Variants in CATSPERB observed in about 807,000 individuals in gnomAD.
The protein encoded by CATSPERB is cation channel sperm-associated auxiliary subunit beta.
CATSPERB carries 93 observed loss-of-function variants against 128.3 expected under a neutral mutation model. The observed-to-expected ratio is 0.72, with a 90% confidence interval of 0.61 to 0.86. The LOEUF (loss-of-function observed/expected upper bound fraction) is 0.86. Ranked by LOEUF, CATSPERB falls within the 40% of genes least tolerant of loss-of-function variation. The probability of loss-of-function intolerance (pLI) is 0.00; values close to 1 mark genes in which losing one functional copy is unlikely to be tolerated. For synonymous variants in CATSPERB, 381 were observed against 448.8 expected, an observed-to-expected ratio of 0.85 and a Z score of 1.91; for missense variants, 1,153 against 1,329.5, an observed-to-expected ratio of 0.87 and a Z score of 2.06.
At chr14:91,720,925 C>T (rs1003940954) in intron 4 of CATSPERB, among the ~76,000 whole-genome samples, 1 of 151,976 alleles carries the variant, frequency 6.6e-6, no homozygotes, top group Admixed American at 6.6e-5. Context: ...ATAAACTGTC[C>T]CATTTATGGT....
chr14:91,599,715 T>G (rs576762333), intron 22 of CATSPERB, among the ~76,000 whole-genome samples: 2 of 152,130 alleles, frequency 1.3e-5, no homozygotes, highest in Admixed American at 1.3e-4. Context: ...AGAAGTACAT[T>G]GGTTCAGTCT....
intron 15 of CATSPERB, among the ~76,000 whole-genome samples, chr14:91,652,670 CAAAAAAAAAAAAAAAAAAAAAAAA>C (rs58608847): frequency 1.4e-5 from 1 of 69,166 alleles, no homozygotes; most frequent in Non-Finnish European, 2.5e-5. Flanking sequence ...GACTCTGTCT[CAAAAAAAAAAAAAAAAAAAAAAAA>C]AAAAAAAAAA....
intron 15 of CATSPERB, among the ~76,000 whole-genome samples, chr14:91,646,864 C>T (rs189929382): frequency 6.6e-6 from 1 of 152,290 alleles, no homozygotes; most frequent in African/African-American, 2.4e-5. Flanking sequence ...CTTCTTTCCC[C>T]CCTAGATACT....
At chr14:91,584,220 T>A (rs1416271790) in intron 26 of CATSPERB, among the ~76,000 whole-genome samples, 2 of 152,030 alleles carry the variant, frequency 1.3e-5, no homozygotes, top group African/African-American at 4.8e-5. Context: ...AGGCATGCAC[T>A]ACCACACCTG....
At chr14:91,684,470 A>G (rs1427661747) in intron 10 of CATSPERB, among the ~76,000 whole-genome samples, 1 of 152,186 alleles carries the variant, frequency 6.6e-6, no homozygotes, top group Non-Finnish European at 1.5e-5. Flanking sequence ...GAAGATTCTG[A>G]CCTTCAAATT....
intron 17 of CATSPERB, among the ~76,000 whole-genome samples, chr14:91,625,413 G>A (rs1311741141): frequency 1.3e-5 from 2 of 152,074 alleles, no homozygotes; most frequent in African/African-American, 4.8e-5. Context: ...ACAGAGGGGT[G>A]GGGGAGAAAG....
At chr14:91,656,881 A>G (rs1894797850) in intron 15 of CATSPERB, among the ~76,000 whole-genome samples, 1 of 152,168 alleles carries the variant, frequency 6.6e-6, no homozygotes, top group Non-Finnish European at 1.5e-5. Flanking sequence ...CAGACAAAAT[A>G]GATTTCAAGA....
intron 5 of CATSPERB, among the ~76,000 whole-genome samples, chr14:91,711,824 C>G (rs1895845036): frequency 6.6e-6 from 1 of 152,076 alleles, no homozygotes; most frequent in Non-Finnish European, 1.5e-5. Flanking sequence ...ACTAAATAAG[C>G]CATAAAACAC....
intron 25 of CATSPERB, 45 bp from the exon 26 acceptor site, chr14:91,587,321 C>G: frequency 7.0e-7 from 1 of 1,429,072 alleles, no homozygotes; most frequent in East Asian, 2.4e-5. Context: ...TCAACATGTA[C>G]ATTCCTTTAA....
chr14:91,645,346 C>CT (rs1894575757), intron 15 of CATSPERB, among the ~76,000 whole-genome samples: 1 of 50,306 alleles, frequency 2.0e-5, no homozygotes, highest in African/African-American at 9.4e-5. Context: ...GTTTTATCTA[C>CT]TTTTGGTCTT....
chr14:91,610,449 TA>T, intron 21 of CATSPERB, 30 bp downstream of exon 21: 1 of 1,587,316 alleles, frequency 6.3e-7, no homozygotes, highest in South Asian at 1.1e-5. Flanking sequence ...CATTGCTTCT[TA>T]AACCAATATA....
At chr14:91,714,555 C>CTTT (rs56965295) in intron 5 of CATSPERB, among the ~76,000 whole-genome samples, 932 of 88,028 alleles carry the variant, frequency 0.011, 11 homozygotes, top group Middle Eastern at 0.031. Flanking sequence ...CCATAAACTA[C>CTTT]TTTTTTTTTT....
Position 91,725,061 on chromosome 14 carries a change from T to G in CATSPERB, c.168+19A>C, listed in dbSNP as rs768760142. On this transcript the variant is annotated intron_variant, in intron 3 of 26. Transcript: ENST00000256343. ...AAGGAACGTGAAGGGTTATAACACATGCTATTAGTGGACCTTACCAAGTTT... is the reference window on the plus strand; with the variant it reads ...AAGGAACGTGAAGGGTTATAACACAGGCTATTAGTGGACCTTACCAAGTTT... 4 of 1,324,868 alleles carry G rather than the reference T, an allele frequency of 3.0e-6. No homozygotes were observed. Among genetic ancestry groups the G allele is most frequent in the Non-Finnish European group, 4.2e-6 (4 of 947,836 alleles). The allele number at this position is 1,324,868 out of a possible 1,614,324, so 82.1% of individuals were successfully genotyped here.
intron 11 of CATSPERB, among the ~76,000 whole-genome samples, chr14:91,678,950 G>A (rs1020860442): frequency 6.6e-6 from 1 of 152,102 alleles, no homozygotes; most frequent in Admixed American, 6.6e-5. Context: ...TTTAAAAATG[G>A]TTAACAGGAA....
At chr14:91,708,465 T>C (rs748464527) in intron 5 of CATSPERB, among the ~76,000 whole-genome samples, 5 of 152,176 alleles carry the variant, frequency 3.3e-5, no homozygotes, top group Non-Finnish European at 7.4e-5. Context: ...ATCTAGATAC[T>C]AATATTTATG....
At chr14:91,634,679 C>T (rs997004474) in intron 17 of CATSPERB, among the ~76,000 whole-genome samples, 1 of 17,522 alleles carries the variant, frequency 5.7e-5, no homozygotes, top group Non-Finnish European at 1.2e-4. Context: ...TACACACACA[C>T]ACACCATGGA....
intron 5 of CATSPERB, among the ~76,000 whole-genome samples, chr14:91,711,870 G>A (rs935692963): frequency 3.9e-5 from 6 of 152,140 alleles, no homozygotes; most frequent in Admixed American, 1.3e-4. Flanking sequence ...CATGAAATAT[G>A]CCCTCTAAAC....
chr14:91,637,966 A>T (rs1894408601), intron 16 of CATSPERB, among the ~76,000 whole-genome samples: 1 of 152,126 alleles, frequency 6.6e-6, no homozygotes, highest in Non-Finnish European at 1.5e-5. Flanking sequence ...GACTTGGGCA[A>T]AGACACAGGG....
At chr14:91,654,156 G>C (rs779180948) in intron 15 of CATSPERB, among the ~76,000 whole-genome samples, 1 of 152,226 alleles carries the variant, frequency 6.6e-6, no homozygotes, top group Non-Finnish European at 1.5e-5. Context: ...GGCAGAGCAA[G>C]ATGGCTGAAT....
Sources: allele counts gnomAD v4.1 joint callset (sites outside exome capture counted in the v4.1 genomes callset), GRCh38; gene constraint gnomAD v4.1.1; transcripts MANE v1.5; gene names NCBI Gene and HGNC (gene_info 2026-07-23, HGNC 2026-07-21).